Variants in MAN1A1 observed in about 807,000 individuals in gnomAD.
MAN1A1 encodes the protein mannosyl-oligosaccharide 1,2-alpha-mannosidase IA.
A neutral mutation model predicts 70.8 loss-of-function variants in MAN1A1; 29 were observed. The observed-to-expected ratio is 0.41, with a 90% CI of 0.31 to 0.56. The LOEUF is 0.56. Ranked by LOEUF, MAN1A1 falls within the 20% of genes least tolerant of loss-of-function variation. The pLI is 0.29. For missense variants in MAN1A1, 747 were observed against 841.3 expected, an observed-to-expected ratio of 0.89 and a Z score of 1.39; for synonymous variants, 349 against 330.1, an observed-to-expected ratio of 1.06 and a Z score of -0.62.
At chr6:119,348,430 G>A (rs780732288) in intron 2 of MAN1A1, 33 bp downstream of exon 2, 3 of 1,525,768 alleles carry the variant, frequency 2.0e-6, no homozygotes, top group South Asian at 2.4e-5. Context: ...AAACACGGCC[G>A]GTCGGGAGGG....
At chr6:119,221,862 T>C (rs1774371611) in intron 6 of MAN1A1, among the ~76,000 whole-genome samples, 1 of 152,220 alleles carries the variant, frequency 6.6e-6, no homozygotes, top group Admixed American at 6.5e-5. Flanking sequence ...ACCCACCACT[T>C]AGATTTAACA....
intron 6 of MAN1A1, among the ~76,000 whole-genome samples, chr6:119,242,107 T>C (rs1775027251): frequency 8.1e-6 from 1 of 123,048 alleles, no homozygotes; most frequent in African/African-American, 3.1e-5. Flanking sequence ...CAGGGCTATG[T>C]GGCTATTTAT....
At chr6:119,216,756 C>T (rs1007879389) in intron 6 of MAN1A1, among the ~76,000 whole-genome samples, 1 of 151,980 alleles carries the variant, frequency 6.6e-6, no homozygotes, top group Non-Finnish European at 1.5e-5. Context: ...TGAAAAGAAA[C>T]AAAAGATTAT....
chr6:119,350,464 A>G (rs1773883365), upstream of MAN1A1: 2 of 933,290 alleles, frequency 2.1e-6, no homozygotes, highest in Admixed American at 1.2e-4. Flanking sequence ...TCCCCCAAAA[A>G]ACAAAAAACC....
chr6:119,338,809 C>G (rs375625202), intron 2 of MAN1A1, among the ~76,000 whole-genome samples: 3 of 152,162 alleles, frequency 2.0e-5, no homozygotes, highest in East Asian at 3.8e-4. Context: ...GTAAGAGCTC[C>G]TATCAATAAA....
intron 7 of MAN1A1, among the ~76,000 whole-genome samples, chr6:119,202,658 A>G (rs775012197): frequency 2.0e-5 from 3 of 152,174 alleles, no homozygotes; most frequent in Non-Finnish European, 4.4e-5. Context: ...GCATTGCACT[A>G]CGACATTATG....
Position 119,349,297 on chromosome 6 carries a change from G to C in MAN1A1, c.-222-10C>G. The C allele has an allele frequency of 2.5e-6, 3 of 1,202,290 alleles. No homozygotes were observed. Among genetic ancestry groups the C allele is most frequent in the Non-Finnish European group, 3.1e-6 (3 of 969,260 alleles). The allele number at this position is 1,202,290 out of a possible 1,614,324, so 74.5% of individuals were successfully genotyped here. On this transcript the variant is annotated splice_polypyrimidine_tract_variant and intron_variant, in intron 1 of 12. Transcript: ENST00000368468. ...CCGCTGGCTGCAGCCCCTGCGGGGAGAGAAACAGTAAAACGTAGTAATTAC... is the reference window on the plus strand; with the variant it reads ...CCGCTGGCTGCAGCCCCTGCGGGGACAGAAACAGTAAAACGTAGTAATTAC...
Position 119,185,890 on chromosome 6 carries a change from A to G in MAN1A1, c.1719+2515T>C, listed in dbSNP as rs1051146130. Among the ~76,000 whole-genome samples, 7 of 149,784 alleles carry G rather than the reference A, an allele frequency of 4.7e-5. No individual in the cohort carries two copies. In the South Asian group the frequency reaches 1.1e-3, roughly 23 times the overall value. ...TAAATATAAATCTACTAAAAGAACA[A>G]GTTGGACCATAAGCTGTGAAAAAAT... On this transcript the variant is annotated intron_variant, in intron 11 of 12. Coordinates refer to ENST00000368468, the MANE Select transcript of MAN1A1 (RefSeq NM_005907.4).
At chr6:119,331,036 T>C (rs1773296013) in intron 2 of MAN1A1, among the ~76,000 whole-genome samples, 1 of 152,064 alleles carries the variant, frequency 6.6e-6, no homozygotes, top group South Asian at 2.1e-4. Flanking sequence ...TTCTAAATAT[T>C]TGTAGGAGGG....
intron 2 of MAN1A1, among the ~76,000 whole-genome samples, chr6:119,319,709 T>C (rs1772954889): frequency 6.6e-6 from 1 of 152,200 alleles, no homozygotes; most frequent in African/African-American, 2.4e-5. Flanking sequence ...ATAGATATAT[T>C]TACCCCACAA....
chr6:119,206,574 T>C (rs1773867066), intron 6 of MAN1A1, among the ~76,000 whole-genome samples: 1 of 152,244 alleles, frequency 6.6e-6, no homozygotes. Flanking sequence ...GATATATTCA[T>C]TTATTTTACA....
At chr6:119,317,686 C>A (rs1265832585) in intron 2 of MAN1A1, among the ~76,000 whole-genome samples, 2 of 152,012 alleles carry the variant, frequency 1.3e-5, no homozygotes, top group African/African-American at 4.8e-5. Flanking sequence ...CAAGTTTTGG[C>A]AATTATGAAT....
intron 6 of MAN1A1, among the ~76,000 whole-genome samples, chr6:119,207,900 T>C (rs1773924438): frequency 6.6e-6 from 1 of 152,122 alleles, no homozygotes. Context: ...TCTATGGCAG[T>C]GGGAGATTTA....
chr6:119,348,005 AC>A (rs1242188560), intron 2 of MAN1A1, among the ~76,000 whole-genome samples: 1 of 152,246 alleles, frequency 6.6e-6, no homozygotes, highest in Non-Finnish European at 1.5e-5. Flanking sequence ...ACAGAATGCC[AC>A]CTGGCAGACA....
chr6:119,223,387 A>G (rs984331703), intron 6 of MAN1A1, among the ~76,000 whole-genome samples: 3 of 152,084 alleles, frequency 2.0e-5, no homozygotes, highest in African/African-American at 4.8e-5. Flanking sequence ...ACCAAATCTC[A>G]TAAGTTTAAA....
chr6:119,248,391 C>T lies in MAN1A1; in HGVS notation c.898-37G>A, dbSNP rs368103056. The T allele has an allele frequency of 1.2e-5, 13 of 1,064,048 alleles. No individual in the cohort carries two copies. The Admixed American group carries it at 2.2e-4, about 18-fold the overall frequency. 65.9% of individuals were successfully genotyped at this position (1,064,048 alleles called of 1,614,324 possible). On this transcript the variant is annotated intron_variant, in intron 5 of 12. Transcript: ENST00000368468. Reference sequence around the variant, plus strand: ...AACAGTTAACTGTAAGCTACTGTTGCAAGCAAAACAAGATGAACTATACTA... The same window carrying T: ...AACAGTTAACTGTAAGCTACTGTTGTAAGCAAAACAAGATGAACTATACTA...
intron 5 of MAN1A1, among the ~76,000 whole-genome samples, chr6:119,283,075 T>C (rs1776263704): frequency 6.6e-6 from 1 of 152,206 alleles, no homozygotes. Context: ...AATCAGGATG[T>C]ACAGAACAGA....
rs552516013 is a variant in MAN1A1 at position 119,333,215 on chromosome 6, C to A, written c.603+15248G>T. Among the ~76,000 whole-genome samples the A allele has an allele frequency of 9.7e-4, 147 of 152,324 alleles. 4 individuals are homozygous for A. In the South Asian group the frequency reaches 0.029, roughly 30 times the overall value. ...AATTCTATTGATAATTAAAGGTCCA[C>A]AAATATGCTAACTAATCATATAACT... On this transcript the variant is annotated intron_variant, in intron 2 of 12. Coordinates refer to ENST00000368468, the MANE Select transcript of MAN1A1 (RefSeq NM_005907.4).
At chr6:119,274,679 T>C (rs2114384137) in intron 5 of MAN1A1, among the ~76,000 whole-genome samples, 1 of 152,334 alleles carries the variant, frequency 6.6e-6, no homozygotes, top group East Asian at 1.9e-4. Flanking sequence ...TGTCACAATG[T>C]CACACCAAAA....
Sources: gnomAD v4.1 joint callset for allele counts (sites outside exome capture counted in the v4.1 genomes callset) on GRCh38, gnomAD v4.1.1 for gene constraint, MANE v1.5 for transcripts, NCBI Gene and HGNC (gene_info 2026-07-23, HGNC 2026-07-21) for gene names.